NCOA3: variants seen among roughly 807,000 people sequenced by gnomAD.
NCOA3 encodes CBP-interacting protein.
A neutral mutation model predicts 158.8 loss-of-function variants in NCOA3; 51 were observed. The observed-to-expected ratio is 0.32, with a 90% CI of 0.26 to 0.41. NCOA3 has a LOEUF of 0.41. NCOA3 is among the 10% of genes least tolerant of loss of function. The pLI, the probability that NCOA3 is intolerant of heterozygous loss-of-function variation, is 1.00. For synonymous variants in NCOA3, 537 were observed against 592.4 expected, an observed-to-expected ratio of 0.91 and a Z score of 1.36; for missense variants, 1,510 against 1,746.6, an observed-to-expected ratio of 0.86 and a Z score of 2.41.
intron 13 of NCOA3, among the ~76,000 whole-genome samples, chr20:47,638,182 T>A (rs944634428): frequency 1.3e-5 from 2 of 152,252 alleles, no homozygotes; most frequent in Non-Finnish European, 2.9e-5. Context: ...TTAATTAAGA[T>A]AGTTTTCTTT....
At chr20:47,577,927 T>G (rs1004265794) in intron 1 of NCOA3, among the ~76,000 whole-genome samples, 1 of 152,246 alleles carries the variant, frequency 6.6e-6, no homozygotes, top group African/African-American at 2.4e-5. Context: ...TCACAAGATA[T>G]GTGGTAATAC....
rs557576342 is a variant in NCOA3, at chr20:47,654,091, A to G, written c.*674A>G. 3.9e-5 allele frequency: 6 copies of G among 152,876 alleles called. No individual in the cohort carries two copies. Among genetic ancestry groups the G allele is most frequent in the East Asian group, 3.8e-4 (2 of 5,196 alleles). 9.5% of individuals were successfully genotyped at this position (152,876 alleles called of 1,614,324 possible). ...AAATGAGATGACAGTATTTAATCGC[A>G]GCAGTAGCAAACTTTTCACATGCTA... On this transcript the variant is annotated 3_prime_UTR_variant, in exon 23 of 23. Coordinates refer to ENST00000371998, the MANE Select transcript of NCOA3 (RefSeq NM_181659.3).
intron 16 of NCOA3, among the ~76,000 whole-genome samples, chr20:47,640,716 CTA>C: frequency 7.6e-6 from 1 of 131,920 alleles, no homozygotes; most frequent in African/African-American, 2.8e-5. Flanking sequence ...CCTGTCTCTA[CTA>C]AAAAAAAAAA....
At chr20:47,585,884 T>C (rs2085527904) in intron 2 of NCOA3, among the ~76,000 whole-genome samples, 1 of 151,986 alleles carries the variant, frequency 6.6e-6, no homozygotes, top group Non-Finnish European at 1.5e-5. Context: ...AATTGTGATA[T>C]ATACCCATTC....
chr20:47,590,315 T>TA (rs2085608301), intron 2 of NCOA3, among the ~76,000 whole-genome samples: 1 of 152,100 alleles, frequency 6.6e-6, no homozygotes, highest in African/African-American at 2.4e-5. Context: ...CATGAAAAAA[T>TA]AGACTTAGTT....
chr20:47,617,771 T>G (rs1184011685), intron 2 of NCOA3, among the ~76,000 whole-genome samples: 1 of 152,208 alleles, frequency 6.6e-6, no homozygotes, highest in Non-Finnish European at 1.5e-5. Flanking sequence ...GAACATTTTC[T>G]TTAGTTTAAT....
At chr20:47,596,524 A>G (rs1030328686) in intron 2 of NCOA3, among the ~76,000 whole-genome samples, 77 of 152,188 alleles carry the variant, frequency 5.1e-4, no homozygotes, top group Non-Finnish European at 9.7e-4. Flanking sequence ...AACAAACTTG[A>G]TTTTAACTGC....
At position 47,627,343 on chromosome 20, in the gene NCOA3, G is replaced by A. The variant is rs148681151; in HGVS notation, c.532+167G>A. Among the ~76,000 whole-genome samples the A allele has an allele frequency of 4.3e-3, 657 of 152,276 alleles. 2 individuals carry two copies. Among genetic ancestry groups the A allele is most frequent in the Non-Finnish European group, 6.2e-3 (421 of 68,020 alleles). On this transcript the variant is annotated intron_variant, in intron 6 of 22. Transcript: ENST00000371998. ...ATGGAGTCAGTGAATTAAAAATTTG[G>A]TATACATTTTAAGAGGCATATAGTT...
chr20:47,541,921 T>G (rs970015159), intron 1 of NCOA3, among the ~76,000 whole-genome samples: 1 of 151,998 alleles, frequency 6.6e-6, no homozygotes, highest in African/African-American at 2.4e-5. Context: ...CAATTTGGTT[T>G]TTATGCGACC....
At chr20:47,642,708 ATAAC>A (rs1482738125) in intron 17 of NCOA3, among the ~76,000 whole-genome samples, 11 of 152,194 alleles carry the variant, frequency 7.2e-5, no homozygotes, top group Admixed American at 7.2e-4. Flanking sequence ...TCTCATTTTT[ATAAC>A]TATCTTTCTC....
intron 1 of NCOA3, among the ~76,000 whole-genome samples, chr20:47,516,544 T>C (rs1170634094): frequency 6.6e-6 from 1 of 151,696 alleles, no homozygotes; most frequent in African/African-American, 2.4e-5. Context: ...GAAATGAAAA[T>C]TAATAGTCAG....
intron 1 of NCOA3, among the ~76,000 whole-genome samples, chr20:47,582,044 G>C (rs1390306145): frequency 6.6e-6 from 1 of 151,984 alleles, no homozygotes. Flanking sequence ...CACTGATTTT[G>C]GACAAATGAA....
chr20:47,600,170 A>ATAT lies in NCOA3; in HGVS notation c.-20+16910_-20+16911insATT, dbSNP rs1297826927. Among the ~76,000 whole-genome samples the ATAT allele has an allele frequency of 8.1e-5, 11 of 135,554 alleles. No homozygotes were observed. The East Asian group carries it at 1.5e-3, about 18-fold the overall frequency. 88.9% of individuals were successfully genotyped at this position (135,554 alleles called of 152,430 possible). On this transcript the variant is annotated intron_variant, in intron 2 of 22. Coordinates refer to ENST00000371998, the MANE Select transcript of NCOA3 (RefSeq NM_181659.3). The stretch of plus-strand genomic sequence containing the variant: ...TATTTTATATATTTTATATATATAT[A>ATAT]TTTTTTTATTTTTATTTTTTTTGAG...
At chr20:47,623,835 G>C (rs1168636710) in intron 3 of NCOA3, 76 bp from the exon 4 acceptor site, 4 of 1,378,230 alleles carry the variant, frequency 2.9e-6, no homozygotes, top group Non-Finnish European at 4.0e-6. Flanking sequence ...TTGTATAGGG[G>C]CTGATTCTGC....
At chr20:47,597,062 T>C (rs1420259262) in intron 2 of NCOA3, among the ~76,000 whole-genome samples, 1 of 152,182 alleles carries the variant, frequency 6.6e-6, no homozygotes, top group Non-Finnish European at 1.5e-5. Flanking sequence ...ATACAAAATA[T>C]TTACCAACCT....
chr20:47,567,341 C>T (rs777346025), intron 1 of NCOA3, among the ~76,000 whole-genome samples: 7 of 151,732 alleles, frequency 4.6e-5, no homozygotes, highest in East Asian at 3.9e-4. Context: ...CCACTGCACT[C>T]GGTTGTACTT....
intron 1 of NCOA3, among the ~76,000 whole-genome samples, chr20:47,580,082 C>T (rs779475433): frequency 6.6e-6 from 1 of 152,144 alleles, no homozygotes; most frequent in South Asian, 2.1e-4. Context: ...CATGATCTTC[C>T]ACCTGGGGGT....
chr20:47,572,144 T>C (rs1235080433), intron 1 of NCOA3, among the ~76,000 whole-genome samples: 3 of 152,238 alleles, frequency 2.0e-5, no homozygotes, highest in Non-Finnish European at 4.4e-5. Context: ...AAGAGAGTTA[T>C]GGTCTTGCTT....
chr20:47,525,688 A>G (rs868278966), intron 1 of NCOA3, among the ~76,000 whole-genome samples: 4 of 121,142 alleles, frequency 3.3e-5, no homozygotes, highest in African/African-American at 1.0e-4. Context: ...TCCCTCCCGG[A>G]CGGGGCGGCT....
Sources: gnomAD v4.1 joint callset for allele counts (sites outside exome capture counted in the v4.1 genomes callset) on GRCh38, gnomAD v4.1.1 for gene constraint, MANE v1.5 for transcripts, NCBI Gene and HGNC (gene_info 2026-07-23, HGNC 2026-07-21) for gene names.